Variants in P2RX5 observed in about 807,000 individuals in gnomAD.
P2RX5 encodes the protein purinergic receptor P2X 5, also known as P2X purinoceptor 5.
P2RX5 carries 46 observed loss-of-function variants against 54.1 expected under a neutral mutation model. That is an observed-to-expected ratio of 0.85 (90% CI 0.67 to 1.09). The LOEUF is 1.09. Among genes scored for constraint, P2RX5 ranks in the 50% least tolerant of loss-of-function variants. The probability of loss-of-function intolerance (pLI) is 0.00; values close to 1 mark genes in which losing one functional copy is unlikely to be tolerated. For missense variants in P2RX5, 566 were observed against 549.8 expected (o/e 1.03, Z -0.29); for synonymous variants, 226 against 226.4 (o/e 1.00, Z 0.02).
intron 10 of P2RX5, 50 bp from the exon 11 acceptor site, chr17:3,679,834 C>G: frequency 6.5e-7 from 1 of 1,528,514 alleles, no homozygotes; most frequent in Non-Finnish European, 9.0e-7. Flanking sequence ...AGGGTGCCTC[C>G]CCTCCTAGAC....
chr17:3,680,215 GCA>G (rs2050217080), intron 10 of P2RX5, among the ~76,000 whole-genome samples: 3 of 135,536 alleles, frequency 2.2e-5, no homozygotes, highest in Non-Finnish European at 3.2e-5. Flanking sequence ...CCTCCACCCT[GCA>G]TCCTCCACCC....
chr17:3,723,375 T>A, the P2RX5 span: 1 of 1,612,762 alleles, frequency 6.2e-7, no homozygotes, highest in Non-Finnish European at 8.5e-7. Flanking sequence ...AATGCCATTC[T>A]TCCACATGCT....
At chr17:3,680,158 GGTGTCCTCCACCCTGCA>G (rs1567730169) in intron 10 of P2RX5, among the ~76,000 whole-genome samples, 4,737 of 38,662 alleles carry the variant, frequency 0.12, 444 homozygotes, top group East Asian at 0.17. Flanking sequence ...TCCTCCATCC[GGTGTCCTCCACCCTGCA>G]TCCTCCACCC....
intron 11 of P2RX5, chr17:3,677,209 C>T: frequency 2.0e-6 from 2 of 985,402 alleles, no homozygotes; most frequent in Non-Finnish European, 2.4e-6. Context: ...CCGTTTACAC[C>T]TGCTGAGTGG....
At chr17:3,711,370 CTTTTTTTTTTTTTTTTTTT>C in the P2RX5 span, among the ~76,000 whole-genome samples, 2 of 63,110 alleles carry the variant, frequency 3.2e-5, no homozygotes, top group African/African-American at 1.6e-4. Context: ...AGCACTCATT[CTTTTTTTTTTTTTTTTTTT>C]TTTTTTTTTT....
At position 3,688,637 on chromosome 17, in the gene P2RX5, C is replaced by A; in HGVS notation, c.876G>T (p.Gly292=). The change falls in exon 8 of 12, where the codon GGG becomes GGT. Residue 292 remains glycine (G), a synonymous_variant. Transcript: ENST00000225328. ...AAGGCAGCGGTTACCTGAAGTTGTA[C>A]CCGGAGGAGACAGACTTTGAAAGTT... ...DNKLSKSVSS[G]YNFRFARYYR... The A allele has an allele frequency of 1.2e-6, 2 of 1,614,090 alleles. No homozygotes were observed. Among genetic ancestry groups the A allele is most frequent in the African/African-American group, 1.3e-5 (1 of 75,058 alleles).
chr17:3,714,777 G>T, the P2RX5 span: 2 of 848,616 alleles, frequency 2.4e-6, no homozygotes, highest in South Asian at 2.9e-5. Context: ...GAAGGAAAAA[G>T]TAATGCAAAG....
At chr17:3,688,207 C>A (rs1282576257) in intron 8 of P2RX5, 102 bp from the exon 9 acceptor site, 15 of 724,554 alleles carry the variant, frequency 2.1e-5, no homozygotes, top group Non-Finnish European at 3.2e-5. Flanking sequence ...ACTCCCGGAA[C>A]CCTGACTCTC....
At position 3,688,620 on chromosome 17, in the gene P2RX5, G is replaced by A. The variant is rs369640010; in HGVS notation, c.887+6C>T. ...AGGTCACAAGTGGGCACAAGGCAGC[G>A]GTTACCTGAAGTTGTACCCGGAGGA... On this transcript the variant is annotated splice_donor_region_variant and intron_variant, in intron 8 of 11. Coordinates refer to ENST00000225328, the MANE Select transcript of P2RX5 (RefSeq NM_002561.4). 65 of 1,613,962 alleles carry A rather than the reference G, an allele frequency of 4.0e-5. No individual in the cohort carries two copies. In the African/African-American group the frequency reaches 5.3e-4, roughly 13 times the overall value.
the P2RX5 span, among the ~76,000 whole-genome samples, chr17:3,704,695 C>A: frequency 6.6e-6 from 1 of 152,116 alleles, no homozygotes; most frequent in Non-Finnish European, 1.5e-5. Context: ...AAATGCTAGT[C>A]CACTGGGCAC....
chr17:3,716,919 T>C, the P2RX5 span: 1 of 618,870 alleles, frequency 1.6e-6, no homozygotes, highest in Non-Finnish European at 2.9e-6. Flanking sequence ...TGATCAAAGC[T>C]GATGACAGTA....
intron 3 of P2RX5, 100 bp from the exon 4 acceptor site, chr17:3,690,780 C>T (rs1373018784): frequency 7.6e-7 from 1 of 1,307,412 alleles, no homozygotes; most frequent in East Asian, 2.4e-5. Context: ...CGGCCTGGCC[C>T]ACACACACTC....
In P2RX5 at chr17:3,688,008, G is replaced by A. The variant is rs370623962; in HGVS notation, c.981+4C>T. On this transcript the variant is annotated splice_donor_region_variant and intron_variant, in intron 9 of 11. Coordinates refer to ENST00000225328, the MANE Select transcript of P2RX5 (RefSeq NM_002561.4). The stretch of plus-strand genomic sequence containing the variant: ...AGCCTCAGAACAGGAGAAGGCACAC[G>A]CACCTTGCCGTTCACCATCACGTCA... 7.6e-6 allele frequency: 11 copies of A among 1,450,710 alleles called. No homozygotes were observed. In the East Asian group the frequency reaches 9.9e-5, roughly 13 times the overall value. 89.9% of individuals were successfully genotyped at this position (1,450,710 alleles called of 1,614,324 possible).
chr17:3,723,134 G>A, the P2RX5 span, among the ~76,000 whole-genome samples: 3 of 152,238 alleles, frequency 2.0e-5, no homozygotes, highest in Non-Finnish European at 4.4e-5. Context: ...CCTGAGGGTA[G>A]CTAAGGAACG....
At chr17:3,677,786 G>C in intron 11 of P2RX5, 2 of 985,384 alleles carry the variant, frequency 2.0e-6, no homozygotes, top group South Asian at 4.7e-5. Flanking sequence ...GGTGCAGCCA[G>C]GTTGAGGGAA....
the P2RX5 span, among the ~76,000 whole-genome samples, chr17:3,719,321 G>C: frequency 2.6e-5 from 4 of 151,224 alleles, no homozygotes; most frequent in East Asian, 1.9e-4. Flanking sequence ...GGCATGTCTA[G>C]AGAATTGCTC....
intron 10 of P2RX5, 21 bp downstream of exon 10, chr17:3,681,875 C>G (rs376717542): frequency 6.3e-7 from 1 of 1,577,008 alleles, no homozygotes; most frequent in South Asian, 1.1e-5. Flanking sequence ...CTCGGGCCGC[C>G]GGCCTGGAAG....
the P2RX5 span, among the ~76,000 whole-genome samples, chr17:3,714,296 C>T: frequency 2.6e-4 from 38 of 148,456 alleles, no homozygotes; most frequent in Non-Finnish European, 4.8e-4. Context: ...GGCACGATCT[C>T]GGCTCACTGC....
At chr17:3,700,168 C>A (rs1210465056), upstream of P2RX5, among the ~76,000 whole-genome samples, 3 of 152,176 alleles carry the variant, frequency 2.0e-5, no homozygotes. Context: ...ACCACCCTCA[C>A]AAGCACATGC....
Sources: gnomAD v4.1 joint callset for allele counts (sites outside exome capture counted in the v4.1 genomes callset) on GRCh38, gnomAD v4.1.1 for gene constraint, MANE v1.5 for transcripts, NCBI Gene and HGNC (gene_info 2026-07-23, HGNC 2026-07-21) for gene names.